Variants in NTNG1 observed in about 807,000 individuals in gnomAD.
NTNG1 encodes the protein netrin G1.
Under a neutral mutation model 54.0 loss-of-function variants are expected in NTNG1, and 16 were observed. The ratio of observed to expected loss-of-function variants is 0.30; its 90% CI spans 0.20 to 0.45. The LOEUF (loss-of-function observed/expected upper bound fraction) is 0.45, where lower values mean the gene tolerates loss of function less well. Ranked by LOEUF, NTNG1 falls within the 20% of genes least tolerant of loss-of-function variation. The pLI is 1.00. For missense variants in NTNG1, 530 were observed against 678.7 expected, an observed-to-expected ratio of 0.78 and a Z score of 2.43; for synonymous variants, 255 against 263.1, an observed-to-expected ratio of 0.97 and a Z score of 0.30.
chr1:107,332,144 G>C (rs1668320300), intron 3 of NTNG1, among the ~76,000 whole-genome samples: 2 of 151,998 alleles, frequency 1.3e-5, no homozygotes, highest in Non-Finnish European at 2.9e-5. Context: ...GAATTATAAA[G>C]AGAATATATG....
intron 3 of NTNG1, among the ~76,000 whole-genome samples, chr1:107,392,900 A>G (rs1672454626): frequency 6.6e-6 from 1 of 152,194 alleles, no homozygotes; most frequent in African/African-American, 2.4e-5. Flanking sequence ...AGGGTTATGT[A>G]CAGTGGTCAG....
intron 2 of NTNG1, among the ~76,000 whole-genome samples, chr1:107,261,567 G>A (rs1663328485): frequency 6.6e-6 from 1 of 152,242 alleles, no homozygotes; most frequent in South Asian, 2.1e-4. Context: ...ACTAGGGCCA[G>A]GAGCGGTGGC....
chr1:107,395,680 T>C (rs1672641368), intron 4 of NTNG1, among the ~76,000 whole-genome samples: 2 of 152,174 alleles, frequency 1.3e-5, no homozygotes, highest in Admixed American at 6.5e-5. Flanking sequence ...AATTTAATTT[T>C]AGCCATAAAC....
chr1:107,350,958 A>G (rs1669563843), intron 3 of NTNG1, among the ~76,000 whole-genome samples: 1 of 152,206 alleles, frequency 6.6e-6, no homozygotes, highest in South Asian at 2.1e-4. Context: ...TTGTAGACCT[A>G]AAATTTGCTA....
intron 2 of NTNG1, among the ~76,000 whole-genome samples, chr1:107,172,376 T>G (rs1036064982): frequency 1.3e-5 from 2 of 152,192 alleles, no homozygotes; most frequent in Non-Finnish European, 2.9e-5. Flanking sequence ...TGTAAGACTT[T>G]TATATGTGTT....
intron 7 of NTNG1, among the ~76,000 whole-genome samples, chr1:107,479,994 C>T (rs1268038793): frequency 6.6e-6 from 1 of 151,844 alleles, no homozygotes; most frequent in African/African-American, 2.4e-5. Flanking sequence ...ACTGCTTTTC[C>T]TCACACTCCT....
intron 2 of NTNG1, among the ~76,000 whole-genome samples, chr1:107,301,887 A>G (rs1666341603): frequency 6.6e-6 from 1 of 152,166 alleles, no homozygotes; most frequent in African/African-American, 2.4e-5. Flanking sequence ...TTTATGAGGG[A>G]GAGCGTCTAT....
chr1:107,360,911 A>G (rs1670221991), intron 3 of NTNG1, among the ~76,000 whole-genome samples: 1 of 152,038 alleles, frequency 6.6e-6, no homozygotes, highest in East Asian at 1.9e-4. Flanking sequence ...TACTAGAAAG[A>G]CTTAAGAAAC....
At chr1:107,470,522 G>T (rs746205897) in intron 7 of NTNG1, among the ~76,000 whole-genome samples, 1 of 152,218 alleles carries the variant, frequency 6.6e-6, no homozygotes, top group Non-Finnish European at 1.5e-5. Context: ...TTACATGTCT[G>T]TACTTATGGA....
At chr1:107,418,719 C>A in intron 5 of NTNG1, 1 of 890,204 alleles carries the variant, frequency 1.1e-6, no homozygotes, top group Non-Finnish European at 1.8e-6. Flanking sequence ...CCATTTTTAG[C>A]ACAAAATAAG....
chr1:107,380,762 G>T (rs1671594818), intron 3 of NTNG1, among the ~76,000 whole-genome samples: 1 of 152,124 alleles, frequency 6.6e-6, no homozygotes. Flanking sequence ...ATTCAGCCCT[G>T]CCTGTCCCCT....
chr1:107,174,599 C>T (rs1488416753), intron 2 of NTNG1, among the ~76,000 whole-genome samples: 1 of 151,962 alleles, frequency 6.6e-6, no homozygotes, highest in Non-Finnish European at 1.5e-5. Context: ...CAGCAATTAA[C>T]ACAGTGCATA....
Position 107,148,701 on chromosome 1 carries a change from G to T in NTNG1, c.108G>T (p.Gln36His). 6.2e-7 allele frequency: 1 copy of T among 1,613,768 alleles called. No individual in the cohort carries two copies. Among genetic ancestry groups the T allele is most frequent in the Non-Finnish European group, 8.5e-7 (1 of 1,179,766 alleles). ...VWGHYDLCKT[Q>H]IYTEEGKVWD... Reference sequence around the variant, plus strand: ...GACATTATGATTTGTGTAAGACTCAGATTTACACGGAAGAAGGGAAAGTTT... The same window carrying T: ...GACATTATGATTTGTGTAAGACTCATATTTACACGGAAGAAGGGAAAGTTT... The change falls in exon 2 of 8, where the codon CAG becomes CAT. Residue 36 changes from glutamine to histidine, a missense_variant. Transcript: ENST00000370068.
intron 1 of NTNG1, among the ~76,000 whole-genome samples, chr1:107,143,614 G>A (rs1653900752): frequency 6.6e-6 from 1 of 152,070 alleles, no homozygotes; most frequent in Admixed American, 6.5e-5. Flanking sequence ...GATTATATTA[G>A]TAAAGTCTTA....
intron 7 of NTNG1, among the ~76,000 whole-genome samples, chr1:107,445,524 T>G (rs1023123280): frequency 8.5e-5 from 13 of 152,178 alleles, no homozygotes; most frequent in Non-Finnish European, 1.9e-4. Flanking sequence ...CCTTATTTTA[T>G]AGATGACAAA....
At chr1:107,170,738 G>C (rs1656157088) in intron 2 of NTNG1, among the ~76,000 whole-genome samples, 1 of 151,982 alleles carries the variant, frequency 6.6e-6, no homozygotes, top group Admixed American at 6.6e-5. Flanking sequence ...ATAAAAAATG[G>C]AATAAAAGTA....
At chr1:107,195,807 T>A (rs1658276376) in intron 2 of NTNG1, among the ~76,000 whole-genome samples, 1 of 152,036 alleles carries the variant, frequency 6.6e-6, no homozygotes, top group Non-Finnish European at 1.5e-5. Flanking sequence ...TTTATATCAG[T>A]TCTGACTCAA....
intron 3 of NTNG1, among the ~76,000 whole-genome samples, chr1:107,333,208 GA>G: frequency 6.6e-6 from 1 of 151,980 alleles, no homozygotes; most frequent in Admixed American, 6.6e-5. Flanking sequence ...CCTTATTTTA[GA>G]AGGAAACATT....
chr1:107,173,998 T>C (rs4390197), intron 2 of NTNG1, among the ~76,000 whole-genome samples: 115,234 of 151,972 alleles, frequency 0.76, 44,713 homozygotes, highest in Middle Eastern at 0.87. Flanking sequence ...AAGTAATGTG[T>C]ACTAGATCAC....
Sources: allele counts gnomAD v4.1 joint callset (sites outside exome capture counted in the v4.1 genomes callset), GRCh38; gene constraint gnomAD v4.1.1; transcripts MANE v1.5; gene names NCBI Gene and HGNC (gene_info 2026-07-23, HGNC 2026-07-21).